ABHD18: variants seen among roughly 807,000 people sequenced by gnomAD.
ABHD18 encodes cardiolipin-specific deacylase, mitochondrial.
Under a neutral mutation model 65.9 loss-of-function variants are expected in ABHD18, and 55 were observed. The observed-to-expected ratio is 0.84, with a 90% CI of 0.67 to 1.05. The LOEUF is 1.05. ABHD18 is among the 50% of genes least tolerant of loss of function. ABHD18 has a pLI of 0.00. For synonymous variants in ABHD18, 181 were observed against 180.2 expected (o/e 1.00, Z -0.04); for missense variants, 533 against 558.5 (o/e 0.95, Z 0.46).
At chr4:127,967,082 T>G (rs1353546921) in intron 1 of ABHD18, among the ~76,000 whole-genome samples, 1 of 151,916 alleles carries the variant, frequency 6.6e-6, no homozygotes, top group Non-Finnish European at 1.5e-5. Context: ...TAATGTCGCT[T>G]TATTATATTG....
chr4:128,008,660 A>G (rs1754050618), intron 4 of ABHD18, among the ~76,000 whole-genome samples: 1 of 152,150 alleles, frequency 6.6e-6, no homozygotes, highest in Non-Finnish European at 1.5e-5. Flanking sequence ...TTAAGTTATG[A>G]TATTGAACAA....
Position 128,001,740 on chromosome 4 carries a change from C to T in ABHD18, c.279-7180C>T, listed in dbSNP as rs1752660286. 5.8e-6 allele frequency: 9 copies of T among 1,546,454 alleles called. No individual in the cohort carries two copies. In the East Asian group the frequency reaches 2.0e-4, roughly 34 times the overall value. Reference sequence around the variant, plus strand: ...GGATTATTGATGAAATGCTTGATACCAACTTGATTCTTCTACCTTTGTAGG... The same window carrying T: ...GGATTATTGATGAAATGCTTGATACTAACTTGATTCTTCTACCTTTGTAGG... On this transcript the variant is annotated intron_variant, in intron 4 of 12. Coordinates refer to ENST00000645843, the MANE Select transcript of ABHD18 (RefSeq NM_001358451.3).
chr4:128,023,403 C>CAA lies in ABHD18; in HGVS notation c.801+2195_801+2196dup, dbSNP rs59549849. The stretch of plus-strand genomic sequence containing the variant: ...AAATAAAGTGAGACTCTTGTCTCTA[C>CAA]AAAAAAAAAAAAAAAAAAAAAAAAA... On this transcript the variant is annotated intron_variant, in intron 10 of 12. Coordinates refer to ENST00000645843, the MANE Select transcript of ABHD18 (RefSeq NM_001358451.3). Among the ~76,000 whole-genome samples the CAA allele has an allele frequency of 6.4e-4, 29 of 44,964 alleles. 1 individual carries two copies. Among genetic ancestry groups the CAA allele is most frequent in the South Asian group, 1.8e-3 (1 of 566 alleles). The allele number at this position is 44,964 out of a possible 152,430, so 29.5% of individuals were successfully genotyped here.
chr4:127,997,205 A>C, intron 4 of ABHD18, among the ~76,000 whole-genome samples: 1 of 152,214 alleles, frequency 6.6e-6, no homozygotes, highest in Non-Finnish European at 1.5e-5. Context: ...TGTCCATGAA[A>C]TCTTCACAAT....
intron 4 of ABHD18, among the ~76,000 whole-genome samples, chr4:127,997,579 A>G (rs1199886713): frequency 2.0e-5 from 3 of 152,178 alleles, no homozygotes; most frequent in Non-Finnish European, 4.4e-5. Context: ...TCAAAAAGCT[A>G]TGTATTTGCC....
chr4:128,032,996 G>T (rs1758421739), intron 12 of ABHD18, among the ~76,000 whole-genome samples: 1 of 152,208 alleles, frequency 6.6e-6, no homozygotes, highest in South Asian at 2.1e-4. Context: ...GCTCACGCCT[G>T]TAATCCCAGC....
chr4:128,025,886 G>A (rs949239006), intron 10 of ABHD18, among the ~76,000 whole-genome samples: 2 of 152,192 alleles, frequency 1.3e-5, no homozygotes, highest in African/African-American at 2.4e-5. Context: ...GGCTGGGCAC[G>A]ACGGCTCACA....
At chr4:127,969,349 C>T (rs940132701) in intron 1 of ABHD18, among the ~76,000 whole-genome samples, 2 of 151,738 alleles carry the variant, frequency 1.3e-5, no homozygotes, top group Middle Eastern at 3.4e-3. Flanking sequence ...TTACAGGTGC[C>T]CACCATCACA....
chr4:127,996,599 G>T (rs1751775960), intron 4 of ABHD18, among the ~76,000 whole-genome samples: 1 of 152,134 alleles, frequency 6.6e-6, no homozygotes, highest in Non-Finnish European at 1.5e-5. Context: ...AGGAAACAGG[G>T]TTCGAGAGCA....
At chr4:127,977,915 T>C (rs890998985) in intron 1 of ABHD18, among the ~76,000 whole-genome samples, 12 of 152,076 alleles carry the variant, frequency 7.9e-5, no homozygotes, top group African/African-American at 2.9e-4. Flanking sequence ...GCATAAACAT[T>C]AACTGAGAAA....
intron 3 of ABHD18, among the ~76,000 whole-genome samples, chr4:127,986,083 A>G (rs1280242468): frequency 2.0e-5 from 3 of 152,206 alleles, no homozygotes; most frequent in African/African-American, 7.2e-5. Context: ...AAATTATATT[A>G]CCAAGATGTG....
chr4:127,969,157 T>C (rs1291181636), intron 1 of ABHD18, among the ~76,000 whole-genome samples: 1 of 152,140 alleles, frequency 6.6e-6, no homozygotes, highest in East Asian at 1.9e-4. Flanking sequence ...TGGCCTGTTA[T>C]GCAGGGAATT....
intron 1 of ABHD18, among the ~76,000 whole-genome samples, chr4:127,977,899 A>G (rs1224986360): frequency 6.6e-6 from 1 of 152,170 alleles, no homozygotes; most frequent in Non-Finnish European, 1.5e-5. Flanking sequence ...AGATACTTAA[A>G]GGATAGCATA....
At chr4:128,008,566 C>A (rs936359203) in intron 4 of ABHD18, among the ~76,000 whole-genome samples, 1 of 152,142 alleles carries the variant, frequency 6.6e-6, no homozygotes, top group East Asian at 1.9e-4. Flanking sequence ...TGAGCCACCG[C>A]GCCTGGCCAA....
intron 4 of ABHD18, among the ~76,000 whole-genome samples, chr4:128,005,869 A>G (rs1304296482): frequency 6.6e-6 from 1 of 152,102 alleles, no homozygotes; most frequent in Non-Finnish European, 1.5e-5. Context: ...TCTCTGCTTT[A>G]TGCCCTATGT....
At chr4:127,999,337 A>G (rs1361681307) in intron 4 of ABHD18, among the ~76,000 whole-genome samples, 2 of 152,204 alleles carry the variant, frequency 1.3e-5, no homozygotes, top group Admixed American at 6.5e-5. Flanking sequence ...AGTTCTTACC[A>G]TAGCTTAAAA....
Position 128,021,194 on chromosome 4 carries a change from A to C in ABHD18, c.757A>C (p.Thr253Pro), listed in dbSNP as rs574924905. Residue 253 changes from threonine (T) to proline (P), a missense_variant, in exon 10 of 13, where the codon ACA (threonine) becomes CCA (proline). Physicochemically the swap from Thr to Pro is conservative, Grantham distance 38. This residue lies in a region of ABHD18 where 309 missense variants were observed against 313.5 expected (regional missense o/e 0.99). Transcript: ENST00000645843. ...GCTGGAAAAGCAATATTATACCCAG[A>C]CAGTTTATGAAGAAGAAATTATTCA... is the stretch of plus-strand genomic sequence containing the variant. Reference protein sequence around the residue: ...RELEKQYYTQTVYEEEIIHML... With the variant: ...RELEKQYYTQPVYEEEIIHML... 1.3e-6 allele frequency: 2 copies of C among 1,548,630 alleles called. No individual in the cohort carries two copies. Among genetic ancestry groups the C allele is most frequent in the South Asian group, 1.2e-5 (1 of 84,006 alleles).
rs1057022365 is a variant in ABHD18, at chr4:128,036,734, A to G, written c.*921A>G. On this transcript the variant is annotated 3_prime_UTR_variant, in exon 13 of 13. Transcript: ENST00000645843. ...GCAACAAGAGTGAAACTCCGTCTCA[A>G]AATAATAATAATAACCAAAATGAGT... The G allele has an allele frequency of 6.6e-6, 1 of 152,026 alleles. No homozygotes were observed. The highest frequency in any genetic ancestry group is 1.5e-5 in the Non-Finnish European group (1 of 68,084). The allele number at this position is 152,026 out of a possible 1,614,324, so 9.4% of individuals were successfully genotyped here.
intron 4 of ABHD18, among the ~76,000 whole-genome samples, chr4:128,006,376 A>G (rs1216999467): frequency 6.6e-6 from 1 of 152,214 alleles, no homozygotes; most frequent in Admixed American, 6.5e-5. Flanking sequence ...TGAGAACGCA[A>G]AATGAAGCAA....
Sources: gnomAD v4.1 joint callset for allele counts (sites outside exome capture counted in the v4.1 genomes callset) on GRCh38, gnomAD v4.1.1 for gene constraint, gnomAD v4.1.1 regional missense constraint, MANE v1.5 for transcripts, NCBI Gene and HGNC (gene_info 2026-07-23, HGNC 2026-07-21) for gene names.